The following DCDC2 variants were observed in gnomAD, a reference collection of about 807,000 sequenced individuals.
The protein encoded by DCDC2 is doublecortin domain containing 2, also known as doublecortin domain-containing protein 2.
DCDC2 carries 40 observed loss-of-function variants against 50.2 expected under a neutral mutation model. The observed-to-expected ratio is 0.80, with a 90% CI of 0.62 to 1.04. The LOEUF (loss-of-function observed/expected upper bound fraction) is 1.04, where lower values mean the gene tolerates loss of function less well. DCDC2 is among the 50% of genes least tolerant of loss of function. DCDC2 has a pLI of 0.00. For missense variants in DCDC2, 570 were observed against 581.9 expected (o/e 0.98, Z 0.21); for synonymous variants, 234 against 210.6 (o/e 1.11, Z -0.96).
chr6:24,377,693 T>C, the DCDC2 span, among the ~76,000 whole-genome samples: 1 of 152,170 alleles, frequency 6.6e-6, no homozygotes. Context: ...ATTAAAAGAA[T>C]GTATAGAGCA....
At position 24,227,391 on chromosome 6, in the gene DCDC2, AATTAGAAATAAG is replaced by A. The variant is rs2113780282; in HGVS notation, c.923-22301_923-22290del. On this transcript the variant is annotated intron_variant, in intron 7 of 9. Coordinates refer to ENST00000378454, the MANE Select transcript of DCDC2 (RefSeq NM_016356.5). Reference sequence around the variant, plus strand: ...GGGAGAACAGGACATTCCAGGTAGGAATTAGAAATAAGAACAAACCACTGAAGAAGCAGGGAT... The same window carrying A: ...GGGAGAACAGGACATTCCAGGTAGGAAACAAACCACTGAAGAAGCAGGGAT... 2.0e-5 allele frequency among the ~76,000 whole-genome samples: 3 copies of A among 152,302 alleles called. No individual in the cohort carries two copies. The East Asian group carries it at 5.8e-4, about 29-fold the overall frequency.
At chr6:24,186,584 A>G (rs1761209390) in intron 8 of DCDC2, among the ~76,000 whole-genome samples, 1 of 152,140 alleles carries the variant, frequency 6.6e-6, no homozygotes, top group Admixed American at 6.5e-5. Flanking sequence ...GCTAAGGCCA[A>G]CCTCTAATCT....
At chr6:24,298,099 T>C (rs945543711) in intron 4 of DCDC2, among the ~76,000 whole-genome samples, 2 of 152,216 alleles carry the variant, frequency 1.3e-5, no homozygotes, top group Admixed American at 1.3e-4. Flanking sequence ...TGAGATGACA[T>C]TGTTCCACCT....
rs193198473 is a variant in DCDC2 at position 24,179,726 on chromosome 6, G to A, written c.1024-1094C>T. Among the ~76,000 whole-genome samples the A allele has an allele frequency of 1.5e-3, 220 of 148,684 alleles. 1 individual carries two copies. The highest frequency in any genetic ancestry group is 5.2e-3 in the African/African-American group (209 of 40,444). ...TCCCAGCACTTTGGGAGGCCGAGGC[G>A]GGCAGATCACGAGGTCAGGAGATTG... On this transcript the variant is annotated intron_variant, in intron 8 of 9. Coordinates refer to ENST00000378454, the MANE Select transcript of DCDC2 (RefSeq NM_016356.5).
At chr6:24,270,326 G>T (rs1763211565) in intron 7 of DCDC2, among the ~76,000 whole-genome samples, 1 of 152,132 alleles carries the variant, frequency 6.6e-6, no homozygotes, top group Non-Finnish European at 1.5e-5. Flanking sequence ...ATTTGTAAAT[G>T]AAGCTTACAA....
intron 9 of DCDC2, among the ~76,000 whole-genome samples, chr6:24,177,472 T>C (rs1382708881): frequency 6.6e-6 from 1 of 152,160 alleles, no homozygotes; most frequent in Non-Finnish European, 1.5e-5. Flanking sequence ...TAGGAATGAG[T>C]AGTCCAAGGC....
At chr6:24,201,725 G>T (rs1339325739) in intron 8 of DCDC2, among the ~76,000 whole-genome samples, 3 of 152,030 alleles carry the variant, frequency 2.0e-5, no homozygotes, top group East Asian at 3.9e-4. Flanking sequence ...CTGGTTTTTT[G>T]AAAAGATTAA....
chr6:24,196,983 G>A (rs984934964), intron 8 of DCDC2, among the ~76,000 whole-genome samples: 10 of 152,154 alleles, frequency 6.6e-5, no homozygotes, highest in African/African-American at 2.4e-4. Flanking sequence ...ATAGAGAATG[G>A]CTGTAACCTG....
intron 7 of DCDC2, among the ~76,000 whole-genome samples, chr6:24,269,563 G>A (rs1370088651): frequency 3.9e-5 from 6 of 152,132 alleles, no homozygotes; most frequent in African/African-American, 1.2e-4. Context: ...GGAGTACATG[G>A]TAGGGACTCA....
At chr6:24,289,748 T>G (rs1763698549) in intron 5 of DCDC2, among the ~76,000 whole-genome samples, 1 of 152,190 alleles carries the variant, frequency 6.6e-6, no homozygotes, top group Non-Finnish European at 1.5e-5. Flanking sequence ...CATCTATTAC[T>G]TATTTAGAAG....
chr6:24,306,494 TTAGATAGATAGATAGATAGATAGATAGA>T (rs28987368), intron 2 of DCDC2, among the ~76,000 whole-genome samples: 11 of 129,374 alleles, frequency 8.5e-5, no homozygotes, highest in Non-Finnish European at 1.7e-4. Flanking sequence ...TGAGTGGAGA[TTAGATAGATAGATAGATAGATAGATAGA>T]TAGATAGATA....
intron 5 of DCDC2, among the ~76,000 whole-genome samples, chr6:24,290,119 A>G (rs550481076): frequency 1.4e-5 from 2 of 148,032 alleles, no homozygotes; most frequent in South Asian, 2.2e-4. Context: ...TCAGCCTCCC[A>G]AGTAGCTGGG....
At chr6:24,229,443 T>G (rs1267913034) in intron 7 of DCDC2, among the ~76,000 whole-genome samples, 1 of 152,186 alleles carries the variant, frequency 6.6e-6, no homozygotes, top group Non-Finnish European at 1.5e-5. Context: ...CATCTCCCTA[T>G]TCCAAGGTCA....
At position 24,303,934 on chromosome 6, in the gene DCDC2, T is replaced by C. The variant is rs192152674; in HGVS notation, c.349-1890A>G. Among the ~76,000 whole-genome samples the C allele has an allele frequency of 6.1e-3, 934 of 152,348 alleles. 4 individuals are homozygous for C. The highest frequency in any genetic ancestry group is 0.01 in the Non-Finnish European group (688 of 68,032). On this transcript the variant is annotated intron_variant, in intron 2 of 9. Transcript: ENST00000378454. Reference sequence around the variant, plus strand: ...TCAAATAGTAGCCCTAGATCATTTATGGGACTCCATTCTTGGTAGAATTAT... The same window carrying C: ...TCAAATAGTAGCCCTAGATCATTTACGGGACTCCATTCTTGGTAGAATTAT...
chr6:24,345,794 A>G (rs886550795), intron 2 of DCDC2, among the ~76,000 whole-genome samples: 3 of 152,234 alleles, frequency 2.0e-5, no homozygotes, highest in Non-Finnish European at 4.4e-5. Context: ...GGATATCAAT[A>G]GCAGATGAGG....
At chr6:24,297,616 A>C (rs984444666) in intron 4 of DCDC2, among the ~76,000 whole-genome samples, 9 of 152,270 alleles carry the variant, frequency 5.9e-5, no homozygotes, top group East Asian at 5.8e-4. Flanking sequence ...TCTGGCTGTG[A>C]AATTACCTGT....
chr6:24,365,562 G>C, the DCDC2 span: 3 of 152,232 alleles, frequency 2.0e-5, no homozygotes, highest in Admixed American at 6.5e-5. Flanking sequence ...AAAATGCTGG[G>C]ATTACAGGCG....
chr6:24,335,895 G>A (rs928577045), intron 2 of DCDC2, among the ~76,000 whole-genome samples: 1 of 152,144 alleles, frequency 6.6e-6, no homozygotes, highest in Non-Finnish European at 1.5e-5. Flanking sequence ...CCCTCCACAT[G>A]TGAGGATTAT....
chr6:24,296,884 C>T (rs1348762488), intron 4 of DCDC2, among the ~76,000 whole-genome samples: 1 of 152,146 alleles, frequency 6.6e-6, no homozygotes, highest in Non-Finnish European at 1.5e-5. Flanking sequence ...CTAGTTCAAT[C>T]ATTGTGGAAA....
Sources: gnomAD v4.1 joint callset for allele counts (sites outside exome capture counted in the v4.1 genomes callset) on GRCh38, gnomAD v4.1.1 for gene constraint, MANE v1.5 for transcripts, NCBI Gene and HGNC (gene_info 2026-07-23, HGNC 2026-07-21) for gene names.